Variants in ATP10A observed in about 807,000 individuals in gnomAD.
ATP10A encodes phospholipid-transporting ATPase VA.
A neutral mutation model predicts 147.8 loss-of-function variants in ATP10A; 111 were observed. The observed-to-expected ratio is 0.75, with a 90% CI of 0.64 to 0.88. ATP10A has a LOEUF of 0.88. ATP10A is among the 40% of genes least tolerant of loss of function. ATP10A has a pLI of 0.00. For missense variants in ATP10A, 1,927 were observed against 1,959.0 expected (o/e 0.98, Z 0.31); for synonymous variants, 875 against 841.6 (o/e 1.04, Z -0.69).
intron 1 of ATP10A, among the ~76,000 whole-genome samples, chr15:25,801,311 G>A (rs1490971143): frequency 6.6e-6 from 1 of 152,142 alleles, no homozygotes; most frequent in African/African-American, 2.4e-5. Flanking sequence ...GCAGAGAAGA[G>A]GAGCGAGGGG....
chr15:25,826,138 C>G (rs1172476900), intron 1 of ATP10A, among the ~76,000 whole-genome samples: 1 of 151,488 alleles, frequency 6.6e-6, no homozygotes, highest in Non-Finnish European at 1.5e-5. Context: ...GATAAACAGA[C>G]AGAAAAAAAA....
intron 2 of ATP10A, among the ~76,000 whole-genome samples, chr15:25,762,061 G>A (rs563724885): frequency 1.4e-4 from 21 of 152,174 alleles, no homozygotes; most frequent in East Asian, 5.8e-4. Flanking sequence ...CTCAGGGGTC[G>A]GTTCCCCCCA....
intron 7 of ATP10A, among the ~76,000 whole-genome samples, chr15:25,721,236 G>T (rs1029111032): frequency 6.6e-6 from 1 of 152,226 alleles, no homozygotes; most frequent in Non-Finnish European, 1.5e-5. Flanking sequence ...TTCCAGGGAA[G>T]AGAACGAAAC....
intron 7 of ATP10A, among the ~76,000 whole-genome samples, chr15:25,720,021 A>G (rs578115050): frequency 6.6e-6 from 1 of 152,304 alleles, no homozygotes; most frequent in African/African-American, 2.4e-5. Flanking sequence ...GGTTTCATTC[A>G]TCACCAGGAA....
At chr15:25,757,925 C>T (rs1302168773) in intron 2 of ATP10A, among the ~76,000 whole-genome samples, 3 of 18,840 alleles carry the variant, frequency 1.6e-4, no homozygotes, top group African/African-American at 4.3e-4. Context: ...TAACTCATTC[C>T]GACCACCTGC....
At chr15:25,690,341 T>C (rs1899957557) in intron 15 of ATP10A, among the ~76,000 whole-genome samples, 3 of 151,566 alleles carry the variant, frequency 2.0e-5, no homozygotes. Context: ...CCTCCCAGGC[T>C]CAAGTGATCT....
At chr15:25,843,162 C>G (rs1007737035) in intron 1 of ATP10A, among the ~76,000 whole-genome samples, 7 of 152,122 alleles carry the variant, frequency 4.6e-5, no homozygotes, top group African/African-American at 1.7e-4. Context: ...CGCCATGTGC[C>G]TCCTCCCTGG....
intron 1 of ATP10A, among the ~76,000 whole-genome samples, chr15:25,847,422 A>C (rs1272686528): frequency 6.6e-6 from 1 of 152,116 alleles, no homozygotes; most frequent in Non-Finnish European, 1.5e-5. Flanking sequence ...AAATTCATAA[A>C]AATTCAGGCA....
intron 1 of ATP10A, among the ~76,000 whole-genome samples, chr15:25,795,785 C>A (rs556824461): frequency 6.6e-6 from 1 of 152,152 alleles, no homozygotes; most frequent in Non-Finnish European, 1.5e-5. Context: ...CGATCCCCAG[C>A]GTTAGAGGTG....
At position 25,787,625 on chromosome 15, in the gene ATP10A, A is replaced by G. The variant is rs200592527; in HGVS notation, c.450-6402T>C. On this transcript the variant is annotated intron_variant, in intron 1 of 20. Coordinates refer to ENST00000555815, the MANE Select transcript of ATP10A (RefSeq NM_024490.4). ...GGACTCCTTCTTAAAAAAAAAAAAA[A>G]AAAAAGAAGAAAGAAAAAGAAAAAG... is the stretch of plus-strand genomic sequence containing the variant. Among the ~76,000 whole-genome samples the G allele has an allele frequency of 1.9e-3, 283 of 148,510 alleles. 1 individual carries two copies. Among genetic ancestry groups the G allele is most frequent in the African/African-American group, 4.8e-3 (192 of 40,294 alleles).
chr15:25,807,349 T>C (rs1891232867), intron 1 of ATP10A, among the ~76,000 whole-genome samples: 1 of 152,230 alleles, frequency 6.6e-6, no homozygotes, highest in East Asian at 1.9e-4. Context: ...CTTCAGGCCA[T>C]CTGCCTCTGT....
intron 2 of ATP10A, among the ~76,000 whole-genome samples, chr15:25,771,307 C>T (rs569539791): frequency 2.2e-4 from 33 of 152,244 alleles, no homozygotes; most frequent in Middle Eastern, 3.4e-3. Context: ...CGGCAGCTCA[C>T]GCCTATAATC....
At chr15:25,718,153 C>T in intron 8 of ATP10A, 29 bp downstream of exon 8, 1 of 1,598,536 alleles carries the variant, frequency 6.3e-7, no homozygotes, top group Non-Finnish European at 8.6e-7. Flanking sequence ...GACGTGGCAG[C>T]ACCCTAGCAG....
At chr15:25,714,352 T>A in intron 9 of ATP10A, 111 bp from the exon 10 acceptor site, 1 of 954,370 alleles carries the variant, frequency 1.0e-6, no homozygotes, top group Non-Finnish European at 1.6e-6. Context: ...TGACCTCGCT[T>A]CCCCACTGGG....
chr15:25,832,836 A>C (rs918237983), intron 1 of ATP10A, among the ~76,000 whole-genome samples: 3 of 152,162 alleles, frequency 2.0e-5, no homozygotes, highest in African/African-American at 4.8e-5. Flanking sequence ...GCTCCCAATA[A>C]AAAGAAATAA....
At position 25,679,752 on chromosome 15, in the gene ATP10A, G is replaced by A; in HGVS notation, c.4089C>T (p.Ser1363=). 1 of 1,613,388 alleles carries A rather than the reference G, an allele frequency of 6.2e-7. No homozygotes were observed. Among genetic ancestry groups the A allele is most frequent in the South Asian group, 1.1e-5 (1 of 91,084 alleles). ...TGCTGGGCTCCCCGCTGGCCTCCAG[G>A]GAGCAGACCGGCTGCTGTGTGTGCC... ...PSWHTQQPVC[S]LEASGEPSTV... The change falls in exon 21 of 21, where the codon TCC becomes TCT. Residue 1363 remains serine (S), a synonymous_variant. Coordinates refer to ENST00000555815, the MANE Select transcript of ATP10A (RefSeq NM_024490.4).
intron 16 of ATP10A, among the ~76,000 whole-genome samples, chr15:25,686,809 T>C (rs1254105153): frequency 9.3e-6 from 1 of 107,432 alleles, no homozygotes; most frequent in Non-Finnish European, 1.7e-5. Context: ...GGCCATGTGG[T>C]CCATCCTGCA....
downstream of ATP10A, among the ~76,000 whole-genome samples, chr15:25,675,224 C>T (rs971886534): frequency 6.6e-6 from 1 of 152,144 alleles, no homozygotes; most frequent in Non-Finnish European, 1.5e-5. Context: ...CACTTTCCAG[C>T]GAAGGCCTCC....
intron 1 of ATP10A, among the ~76,000 whole-genome samples, chr15:25,806,098 T>C (rs1195696222): frequency 1.3e-5 from 2 of 152,142 alleles, no homozygotes; most frequent in Non-Finnish European, 2.9e-5. Context: ...CACAGGTCCA[T>C]ATACATGTGG....
Sources: gnomAD v4.1 joint callset for allele counts (sites outside exome capture counted in the v4.1 genomes callset) on GRCh38, gnomAD v4.1.1 for gene constraint, MANE v1.5 for transcripts, NCBI Gene and HGNC (gene_info 2026-07-23, HGNC 2026-07-21) for gene names.